The following CTNNA3 variants were observed in gnomAD, a reference collection of about 807,000 sequenced individuals.
CTNNA3 encodes catenin alpha 3, also known as catenin alpha-3.
In CTNNA3, 76 loss-of-function variants were observed where a neutral mutation model predicts 95.7. The ratio of observed to expected loss-of-function variants is 0.79; its 90% confidence interval spans 0.66 to 0.96. The LOEUF (loss-of-function observed/expected upper bound fraction) is 0.96, where lower values mean the gene tolerates loss of function less well. Ranked by LOEUF, CTNNA3 falls within the 40% of genes least tolerant of loss-of-function variation. The pLI is 0.00. For missense variants in CTNNA3, 1,191 were observed against 1,089.8 expected, an observed-to-expected ratio of 1.09 and a Z score of -1.31; for synonymous variants, 431 against 374.4, an observed-to-expected ratio of 1.15 and a Z score of -1.74.
intron 7 of CTNNA3, among the ~76,000 whole-genome samples, chr10:67,055,628 A>G (rs909307802): frequency 3.3e-5 from 5 of 152,208 alleles, no homozygotes; most frequent in African/African-American, 9.6e-5. Context: ...AAGGCAGACA[A>G]TGCTTCAGAA....
chr10:67,182,483 A>G (rs1862605052), intron 6 of CTNNA3, among the ~76,000 whole-genome samples: 1 of 152,122 alleles, frequency 6.6e-6, no homozygotes, highest in African/African-American at 2.4e-5. Flanking sequence ...CGGGCTAGCC[A>G]TATGTAGAAA....
intron 7 of CTNNA3, among the ~76,000 whole-genome samples, chr10:66,914,304 G>T (rs1846374153): frequency 6.6e-6 from 1 of 151,838 alleles, no homozygotes; most frequent in East Asian, 1.9e-4. Flanking sequence ...AGAATTTTTT[G>T]TATTTTTAGT....
intron 7 of CTNNA3, among the ~76,000 whole-genome samples, chr10:66,968,061 C>G (rs1288759413): frequency 6.6e-6 from 1 of 152,022 alleles, no homozygotes; most frequent in African/African-American, 2.4e-5. Context: ...GAAGTTACCA[C>G]TTGGAAGTAG....
intron 5 of CTNNA3, among the ~76,000 whole-genome samples, chr10:67,458,253 G>T (rs1847245310): frequency 6.6e-6 from 1 of 151,980 alleles, no homozygotes; most frequent in Admixed American, 6.6e-5. Flanking sequence ...ATCAACTCCA[G>T]CAGAGCTTCC....
intron 9 of CTNNA3, among the ~76,000 whole-genome samples, chr10:66,686,446 G>T (rs1205369437): frequency 1.3e-5 from 2 of 152,204 alleles, no homozygotes; most frequent in African/African-American, 4.8e-5. Context: ...CTGGGTGACA[G>T]AGTGAGACCC....
rs140797076 is a variant in CTNNA3 at position 66,128,460 on chromosome 10, A to G, written c.1885-25211T>C. Reference sequence around the variant, plus strand: ...TCCAGACAATAGATATTATTCAGTGACACAAGCATGAAAAAAAAGCTGCCA... The same window carrying G: ...TCCAGACAATAGATATTATTCAGTGGCACAAGCATGAAAAAAAAGCTGCCA... On this transcript the variant is annotated intron_variant, in intron 13 of 17. Coordinates refer to ENST00000433211, the MANE Select transcript of CTNNA3 (RefSeq NM_013266.4). Among the ~76,000 whole-genome samples the G allele has an allele frequency of 2.2e-3, 341 of 152,274 alleles. 5 individuals are homozygous for G. The East Asian group carries it at 0.046, about 21-fold the overall frequency.
At chr10:66,736,393 A>G (rs1049520245) in intron 9 of CTNNA3, among the ~76,000 whole-genome samples, 3 of 151,066 alleles carry the variant, frequency 2.0e-5, no homozygotes, top group Non-Finnish European at 4.4e-5. Flanking sequence ...GGGTTTCACC[A>G]TGTTGCCCAG....
At chr10:67,481,429 G>T (rs894759377) in intron 5 of CTNNA3, among the ~76,000 whole-genome samples, 1 of 152,144 alleles carries the variant, frequency 6.6e-6, no homozygotes, top group African/African-American at 2.4e-5. Context: ...CTTCAGTAAA[G>T]TGTCAGGATA....
intron 5 of CTNNA3, among the ~76,000 whole-genome samples, chr10:67,322,454 C>A (rs935896113): frequency 3.9e-5 from 6 of 152,184 alleles, no homozygotes; most frequent in African/African-American, 1.2e-4. Flanking sequence ...TTAGCTCCCA[C>A]TTATAAGTGA....
intron 5 of CTNNA3, among the ~76,000 whole-genome samples, chr10:67,306,820 G>A (rs914796279): frequency 2.0e-5 from 3 of 152,048 alleles, no homozygotes; most frequent in African/African-American, 7.3e-5. Flanking sequence ...GATTTTACCT[G>A]ACTTCTAGAT....
At chr10:67,518,814 A>G (rs1839898043) in intron 5 of CTNNA3, among the ~76,000 whole-genome samples, 1 of 152,114 alleles carries the variant, frequency 6.6e-6, no homozygotes, top group African/African-American at 2.4e-5. Flanking sequence ...TGTTATTACC[A>G]TTCCTATGTC....
At chr10:67,435,653 A>G (rs1158672541) in intron 5 of CTNNA3, among the ~76,000 whole-genome samples, 1 of 152,120 alleles carries the variant, frequency 6.6e-6, no homozygotes, top group South Asian at 2.1e-4. Context: ...ATGTACACCA[A>G]TCAGTAGCTC....
chr10:65,967,279 G>A (rs542257286), intron 16 of CTNNA3, among the ~76,000 whole-genome samples: 2 of 152,142 alleles, frequency 1.3e-5, no homozygotes, highest in South Asian at 4.1e-4. Context: ...ATAATTTTTA[G>A]ACATAAAAAG....
intron 7 of CTNNA3, among the ~76,000 whole-genome samples, chr10:66,896,455 T>C (rs1371473292): frequency 6.6e-6 from 1 of 152,206 alleles, no homozygotes; most frequent in Non-Finnish European, 1.5e-5. Flanking sequence ...CTAATAATGA[T>C]ATTTTATTAA....
At chr10:66,014,911 T>C (rs1341241812) in intron 15 of CTNNA3, among the ~76,000 whole-genome samples, 1 of 152,072 alleles carries the variant, frequency 6.6e-6, no homozygotes, top group Non-Finnish European at 1.5e-5. Flanking sequence ...GAGACCATCC[T>C]GGCCAACATG....
At chr10:66,663,964 T>C (rs1222734048) in intron 9 of CTNNA3, among the ~76,000 whole-genome samples, 1 of 152,062 alleles carries the variant, frequency 6.6e-6, no homozygotes, top group Non-Finnish European at 1.5e-5. Context: ...CTTTGTCACC[T>C]TAAAGAGTAA....
chr10:67,495,569 G>T (rs1014703752), intron 5 of CTNNA3, among the ~76,000 whole-genome samples: 3 of 152,152 alleles, frequency 2.0e-5, no homozygotes, highest in African/African-American at 7.2e-5. Context: ...AACAAACCAT[G>T]TCTAAGTTTA....
chr10:67,641,970 C>T (rs1198498807), intron 2 of CTNNA3, among the ~76,000 whole-genome samples: 1 of 151,978 alleles, frequency 6.6e-6, no homozygotes, highest in Non-Finnish European at 1.5e-5. Flanking sequence ...AACAAACCTG[C>T]ACATTGTGCA....
rs1441750502 is a variant in CTNNA3 at position 66,433,177 on chromosome 10, C to T, written c.1532-53825G>A. Among the ~76,000 whole-genome samples the T allele has an allele frequency of 4.6e-5, 7 of 152,118 alleles. 1 individual carries two copies. Among genetic ancestry groups the T allele is most frequent in the Admixed American group, 2.0e-4 (3 of 15,274 alleles). On this transcript the variant is annotated intron_variant, in intron 11 of 17. Coordinates refer to ENST00000433211, the MANE Select transcript of CTNNA3 (RefSeq NM_013266.4). ...GGGTATATACCCACTAATGGGATTGCTGGGTCAAATGGCATTTCTGGTTTT... is the reference window on the plus strand; with the variant it reads ...GGGTATATACCCACTAATGGGATTGTTGGGTCAAATGGCATTTCTGGTTTT...
Sources: allele counts gnomAD v4.1 joint callset (sites outside exome capture counted in the v4.1 genomes callset), GRCh38; gene constraint gnomAD v4.1.1; transcripts MANE v1.5; gene names NCBI Gene and HGNC (gene_info 2026-07-23, HGNC 2026-07-21).